MACROD2: variants seen among roughly 807,000 people sequenced by gnomAD.
MACROD2 encodes mono-ADP ribosylhydrolase 2, also known as ADP-ribose glycohydrolase MACROD2.
MACROD2 carries 36 observed loss-of-function variants against 70.4 expected under a neutral mutation model. The observed-to-expected ratio is 0.51, with a 90% CI of 0.39 to 0.68. MACROD2 has a LOEUF of 0.68. MACROD2 is among the 30% of genes least tolerant of loss of function. MACROD2 has a pLI of 0.00. For missense variants in MACROD2, 496 were observed against 538.4 expected (o/e 0.92, Z 0.78); for synonymous variants, 172 against 178.8 (o/e 0.96, Z 0.30).
intron 5 of MACROD2, among the ~76,000 whole-genome samples, chr20:14,956,610 A>G (rs1173997629): frequency 6.6e-6 from 1 of 152,136 alleles, no homozygotes; most frequent in African/African-American, 2.4e-5. Context: ...ATTGGGGGTG[A>G]TACTAGTTAG....
At chr20:15,109,796 C>G (rs1017123361) in intron 5 of MACROD2, among the ~76,000 whole-genome samples, 4 of 152,138 alleles carry the variant, frequency 2.6e-5, no homozygotes, top group Non-Finnish European at 5.9e-5. Context: ...CTCAATCATT[C>G]AGAAAAGTCA....
At chr20:14,958,438 G>T (rs765060168) in intron 5 of MACROD2, among the ~76,000 whole-genome samples, 1 of 152,126 alleles carries the variant, frequency 6.6e-6, no homozygotes, top group African/African-American at 2.4e-5. Context: ...AGAAGACAAA[G>T]GGTTGAACTG....
At chr20:14,931,100 G>C (rs6110468) in intron 5 of MACROD2, among the ~76,000 whole-genome samples, 2,025 of 152,122 alleles carry the variant, frequency 0.013, 52 homozygotes, top group African/African-American at 0.046. Context: ...TATTCTAGTA[G>C]AACTATGAAA....
intron 4 of MACROD2, among the ~76,000 whole-genome samples, chr20:14,656,172 G>T (rs557668614): frequency 2.6e-4 from 39 of 152,146 alleles, no homozygotes; most frequent in Admixed American, 2.6e-3. Context: ...TTCCCCAGGG[G>T]ACTACATCTT....
intron 8 of MACROD2, among the ~76,000 whole-genome samples, chr20:15,581,229 A>T (rs545434856): frequency 1.6e-4 from 24 of 152,250 alleles, no homozygotes; most frequent in African/African-American, 5.5e-4. Context: ...GGTTTCTAAG[A>T]CCTGACAAGA....
intron 5 of MACROD2, among the ~76,000 whole-genome samples, chr20:15,140,924 G>A (rs369352986): frequency 2.7e-4 from 41 of 152,240 alleles, no homozygotes; most frequent in African/African-American, 3.4e-4. Flanking sequence ...GGTTTTAGTC[G>A]CAGTATGCAC....
intron 8 of MACROD2, among the ~76,000 whole-genome samples, chr20:15,745,307 T>G (rs2051166135): frequency 1.3e-5 from 2 of 152,226 alleles, no homozygotes; most frequent in Non-Finnish European, 2.9e-5. Context: ...ATCAGACTTC[T>G]ACATTTTGGC....
intron 8 of MACROD2, among the ~76,000 whole-genome samples, chr20:15,704,307 G>T (rs958267463): frequency 6.6e-6 from 1 of 151,888 alleles, no homozygotes; most frequent in Non-Finnish European, 1.5e-5. Context: ...ACACATTTTA[G>T]CAGTTACTCA....
At chr20:14,276,068 G>A (rs2082252031) in intron 3 of MACROD2, among the ~76,000 whole-genome samples, 1 of 151,794 alleles carries the variant, frequency 6.6e-6, no homozygotes, top group African/African-American at 2.4e-5. Flanking sequence ...AGTCAGTGTG[G>A]CGATTCCTCA....
At chr20:15,447,197 T>G (rs1239758654) in intron 7 of MACROD2, among the ~76,000 whole-genome samples, 2 of 151,970 alleles carry the variant, frequency 1.3e-5, no homozygotes, top group African/African-American at 4.8e-5. Flanking sequence ...GTGGTGAGCA[T>G]GGGAAGGTGG....
At chr20:15,759,210 A>T in intron 8 of MACROD2, among the ~76,000 whole-genome samples, 1 of 151,956 alleles carries the variant, frequency 6.6e-6, no homozygotes, top group East Asian at 1.9e-4. Context: ...AAAGACAAAG[A>T]TGTTCAAAGA....
chr20:14,347,805 T>C (rs1172214140), intron 3 of MACROD2, among the ~76,000 whole-genome samples: 1 of 152,160 alleles, frequency 6.6e-6, no homozygotes, highest in Non-Finnish European at 1.5e-5. Context: ...AACGAAGATA[T>C]GGGACATGGG....
chr20:14,250,734 G>T (rs1360891622), intron 3 of MACROD2, among the ~76,000 whole-genome samples: 1 of 151,960 alleles, frequency 6.6e-6, no homozygotes, highest in Non-Finnish European at 1.5e-5. Flanking sequence ...CTAGCTTGTT[G>T]TACTAATAAA....
At chr20:15,787,223 C>T (rs769932734) in intron 8 of MACROD2, among the ~76,000 whole-genome samples, 13 of 152,128 alleles carry the variant, frequency 8.5e-5, no homozygotes, top group Non-Finnish European at 1.3e-4. Flanking sequence ...CTGCCTGCCT[C>T]GGCCTCCCAA....
intron 5 of MACROD2, among the ~76,000 whole-genome samples, chr20:15,106,677 A>T (rs2075913116): frequency 6.6e-6 from 1 of 152,118 alleles, no homozygotes; most frequent in South Asian, 2.1e-4. Flanking sequence ...GTGGTTCTTG[A>T]GTTTGCATTG....
At chr20:15,179,036 A>T (rs2076482002) in intron 5 of MACROD2, among the ~76,000 whole-genome samples, 1 of 152,188 alleles carries the variant, frequency 6.6e-6, no homozygotes, top group Non-Finnish European at 1.5e-5. Context: ...AAATTCTTAG[A>T]TAAGCCTGAG....
intron 4 of MACROD2, among the ~76,000 whole-genome samples, chr20:14,516,170 A>G (rs1407346602): frequency 6.6e-6 from 1 of 151,630 alleles, no homozygotes; most frequent in Non-Finnish European, 1.5e-5. Flanking sequence ...TTGCTTAACA[A>G]GTATTGCTCA....
intron 3 of MACROD2, among the ~76,000 whole-genome samples, chr20:14,469,951 C>T (rs2084507549): frequency 1.3e-5 from 2 of 152,042 alleles, no homozygotes; most frequent in African/African-American, 4.8e-5. Context: ...ACTCATTCTC[C>T]ATCCAGTTTT....
chr20:15,330,540 C>A (rs2077981227), intron 6 of MACROD2, among the ~76,000 whole-genome samples: 1 of 151,464 alleles, frequency 6.6e-6, no homozygotes, highest in Non-Finnish European at 1.5e-5. Context: ...TATAAGCAGA[C>A]CATTTCCAGA....
Sources: allele counts gnomAD v4.1 joint callset (sites outside exome capture counted in the v4.1 genomes callset), GRCh38; gene constraint gnomAD v4.1.1; transcripts MANE v1.5; gene names NCBI Gene and HGNC (gene_info 2026-07-23, HGNC 2026-07-21).